The following RIT2 variants were observed in gnomAD, a reference collection of about 807,000 sequenced individuals.
The protein encoded by RIT2 is GTP-binding protein Rit2.
Under a neutral mutation model 23.7 loss-of-function variants are expected in RIT2, and 24 were observed. That is an observed-to-expected ratio of 1.01 (90% CI 0.73 to 1.43). The LOEUF is 1.43. Ranked by LOEUF, RIT2 falls within the 40% of genes most tolerant of loss-of-function variation. The probability of loss-of-function intolerance (pLI) is 0.00; values close to 1 mark genes in which losing one functional copy is unlikely to be tolerated. For missense variants in RIT2, 236 were observed against 266.9 expected (o/e 0.88, Z 0.81); for synonymous variants, 107 against 91.1 (o/e 1.17, Z -0.99).
At chr18:42,797,539 T>C (rs1446669405) in intron 4 of RIT2, among the ~76,000 whole-genome samples, 3 of 152,184 alleles carry the variant, frequency 2.0e-5, no homozygotes, top group African/African-American at 7.2e-5. Context: ...ATTTGCAAAC[T>C]TGGGCATGTT....
chr18:43,079,784 C>T (rs1319682724), intron 1 of RIT2, among the ~76,000 whole-genome samples: 2 of 152,170 alleles, frequency 1.3e-5, no homozygotes, highest in Non-Finnish European at 2.9e-5. Flanking sequence ...GACTCACTGT[C>T]GGTCAGTGAA....
intron 4 of RIT2, among the ~76,000 whole-genome samples, chr18:42,789,576 T>C (rs1453314985): frequency 6.6e-6 from 1 of 152,216 alleles, no homozygotes; most frequent in Non-Finnish European, 1.5e-5. Context: ...CCAGGTATTT[T>C]TTTAGAGATA....
intron 2 of RIT2, among the ~76,000 whole-genome samples, chr18:43,016,256 A>G (rs1202150915): frequency 1.3e-5 from 2 of 151,880 alleles, no homozygotes; most frequent in African/African-American, 4.8e-5. Context: ...AAGATAAAAT[A>G]AATTTTAGTT....
chr18:42,941,349 G>T (rs532350742), intron 3 of RIT2, among the ~76,000 whole-genome samples: 2 of 151,938 alleles, frequency 1.3e-5, no homozygotes, highest in South Asian at 4.2e-4. Context: ...CCTGCTGACC[G>T]CCCCCCACCC....
chr18:42,903,750 A>G (rs551429283), intron 4 of RIT2, among the ~76,000 whole-genome samples: 12 of 152,264 alleles, frequency 7.9e-5, no homozygotes, highest in African/African-American at 2.4e-4. Flanking sequence ...AAGGAAGGCT[A>G]CTAGACTTAT....
chr18:42,962,862 C>T (rs1182451656), intron 3 of RIT2, among the ~76,000 whole-genome samples: 1 of 152,124 alleles, frequency 6.6e-6, no homozygotes, highest in East Asian at 1.9e-4. Context: ...AAATGGTCTG[C>T]AGGACAATCC....
At chr18:43,003,865 A>G (rs1043998842) in intron 2 of RIT2, among the ~76,000 whole-genome samples, 1 of 151,478 alleles carries the variant, frequency 6.6e-6, no homozygotes, top group African/African-American at 2.4e-5. Context: ...AGTATGGTCT[A>G]GAATAGCATG....
chr18:42,967,373 GGTT>G (rs1168599073), intron 3 of RIT2, among the ~76,000 whole-genome samples: 2 of 151,380 alleles, frequency 1.3e-5, no homozygotes, highest in Non-Finnish European at 3.0e-5. Context: ...TGTAAAAGGT[GGTT>G]GTTGTTGTTT....
At chr18:42,908,421 A>G (rs1343620338) in intron 4 of RIT2, among the ~76,000 whole-genome samples, 1 of 152,180 alleles carries the variant, frequency 6.6e-6, no homozygotes, top group Non-Finnish European at 1.5e-5. Context: ...TTGGCAAAAC[A>G]CATAAAGCTA....
chr18:43,085,094 T>C (rs990685606), intron 1 of RIT2, among the ~76,000 whole-genome samples: 4 of 152,188 alleles, frequency 2.6e-5, no homozygotes, highest in Admixed American at 2.6e-4. Flanking sequence ...AATGCTGTAG[T>C]GGCTTTGCAG....
intron 4 of RIT2, among the ~76,000 whole-genome samples, chr18:42,785,395 G>C (rs1913899602): frequency 6.6e-6 from 1 of 151,426 alleles, no homozygotes; most frequent in South Asian, 2.1e-4. Context: ...ACATGGAGTT[G>C]AGAGATTATA....
intron 2 of RIT2, among the ~76,000 whole-genome samples, chr18:43,014,279 G>A (rs757099316): frequency 8.0e-4 from 122 of 151,886 alleles, no homozygotes; most frequent in Admixed American, 1.4e-3. Flanking sequence ...GTGGAAGGAG[G>A]AGAGGCATTG....
chr18:42,833,547 T>C (rs934274349), intron 4 of RIT2, among the ~76,000 whole-genome samples: 1 of 152,212 alleles, frequency 6.6e-6, no homozygotes, highest in Non-Finnish European at 1.5e-5. Flanking sequence ...TACAGCATTT[T>C]ACATTACAAA....
chr18:42,856,827 C>CTTTTTTTTTTTTTTTTTT (rs756725926), intron 4 of RIT2, among the ~76,000 whole-genome samples: 1 of 114,656 alleles, frequency 8.7e-6, no homozygotes, highest in African/African-American at 3.8e-5. Flanking sequence ...CTCTCTCTCT[C>CTTTTTTTTTTTTTTTTTT]TTTTTTTTTT....
intron 4 of RIT2, among the ~76,000 whole-genome samples, chr18:42,768,721 G>C (rs1913481351): frequency 6.6e-6 from 1 of 151,878 alleles, no homozygotes; most frequent in Admixed American, 6.6e-5. Context: ...ATGAATTGCA[G>C]GATATACGAC....
At chr18:43,073,933 T>C (rs761235207) in intron 1 of RIT2, among the ~76,000 whole-genome samples, 2 of 152,056 alleles carry the variant, frequency 1.3e-5, no homozygotes, top group African/African-American at 4.8e-5. Flanking sequence ...TAGGCAGAGA[T>C]AAATGAGAGA....
At chr18:42,945,114 G>T (rs1011816023) in intron 3 of RIT2, among the ~76,000 whole-genome samples, 2 of 151,730 alleles carry the variant, frequency 1.3e-5, no homozygotes, top group Non-Finnish European at 2.9e-5. Flanking sequence ...ATTAATGAAA[G>T]AAATTAATTA....
At chr18:42,832,039 A>G (rs1906472868) in intron 4 of RIT2, among the ~76,000 whole-genome samples, 1 of 152,180 alleles carries the variant, frequency 6.6e-6, no homozygotes, top group Non-Finnish European at 1.5e-5. Flanking sequence ...TACTATTTTT[A>G]TACTTGAGTT....
intron 4 of RIT2, among the ~76,000 whole-genome samples, chr18:42,915,079 T>C (rs1293706312): frequency 1.3e-5 from 2 of 151,934 alleles, no homozygotes; most frequent in African/African-American, 4.8e-5. Context: ...GTTCAATCTA[T>C]GGATATCATT....
Sources: gnomAD v4.1 joint callset for allele counts (sites outside exome capture counted in the v4.1 genomes callset) on GRCh38, gnomAD v4.1.1 for gene constraint, MANE v1.5 for transcripts, NCBI Gene and HGNC (gene_info 2026-07-23, HGNC 2026-07-21) for gene names.